The following SPDYE16 variants were observed in gnomAD, a reference collection of about 807,000 sequenced individuals.
The protein encoded by SPDYE16 is speedy protein E16.
In SPDYE16, 5 loss-of-function variants were observed where a neutral mutation model predicts 40.1. The observed-to-expected ratio is 0.12, with a 90% CI of 0.07 to 0.26. The LOEUF (loss-of-function observed/expected upper bound fraction) is 0.26, where lower values mean the gene tolerates loss of function less well. Ranked by LOEUF, SPDYE16 falls within the 10% of genes least tolerant of loss-of-function variation. The pLI, the probability that SPDYE16 is intolerant of heterozygous loss-of-function variation, is 1.00. For synonymous variants in SPDYE16, 40 were observed against 154.2 expected (o/e 0.26, Z 5.49); for missense variants, 98 against 409.8 (o/e 0.24, Z 6.57).
intron 2 of SPDYE16, among the ~76,000 whole-genome samples, chr7:76,540,975 T>A (rs1293359492): frequency 1.6e-5 from 1 of 62,384 alleles, no homozygotes; most frequent in Non-Finnish European, 2.9e-5. Context: ...TTTTCTTTTC[T>A]TTTTTTTTTT....
At chr7:76,539,740 C>A (rs1470188659) in intron 3 of SPDYE16, among the ~76,000 whole-genome samples, 2 of 111,900 alleles carry the variant, frequency 1.8e-5, no homozygotes, top group South Asian at 2.8e-4. Context: ...CTACCACACC[C>A]GGCCTTCGTT....
chr7:76,534,834 GTGGGA>G lies in SPDYE16; in HGVS notation c.756-720_756-716del, dbSNP rs1233847786. ...AGTCGGAGCTAATAAAGAAGCTGAG[GTGGGA>G]GGATCGCTTGAGCCCAGGATATGGA... is the stretch of plus-strand genomic sequence containing the variant. On this transcript the variant is annotated intron_variant, in intron 6 of 8. Transcript: ENST00000633306. Among the ~76,000 whole-genome samples, 717 of 126,574 alleles carry G rather than the reference GTGGGA, an allele frequency of 5.7e-3. 3 individuals carry two copies. The highest frequency in any genetic ancestry group is 9.7e-3 in the Non-Finnish European group (582 of 59,830). The allele number at this position is 126,574 out of a possible 152,430, so 83.0% of individuals were successfully genotyped here.
At chr7:76,539,447 CTTTTTTT>C (rs1193621613) in intron 3 of SPDYE16, among the ~76,000 whole-genome samples, 2 of 30,280 alleles carry the variant, frequency 6.6e-5, no homozygotes, top group South Asian at 2.8e-3. Context: ...GCCCTTCCTT[CTTTTTTT>C]TTTTTTTTTT....
rs1812927799 is a variant in SPDYE16 at position 76,531,346 on chromosome 7, T to A, written c.*1494A>T. 8.1e-6 allele frequency: 1 copy of A among 123,278 alleles called. No individual in the cohort carries two copies. Among genetic ancestry groups the A allele is most frequent in the Admixed American group, 8.4e-5 (1 of 11,904 alleles). The allele number at this position is 123,278 out of a possible 1,614,324, so 7.6% of individuals were successfully genotyped here. The stretch of plus-strand genomic sequence containing the variant: ...GCTGTGAAGGTGAGAAAAGTTCATT[T>A]TTATTATGTTTCCCCAAGAGACGCA... On this transcript the variant is annotated 3_prime_UTR_variant, in exon 9 of 9. Transcript: ENST00000633306.
Position 76,541,596 on chromosome 7 carries a change from C to G in SPDYE16, c.-137G>C. The G allele has an allele frequency of 7.2e-7, 1 of 1,392,790 alleles. No individual in the cohort carries two copies. The highest frequency in any genetic ancestry group is 9.5e-7 in the Non-Finnish European group (1 of 1,055,326). The allele number at this position is 1,392,790 out of a possible 1,614,324, so 86.3% of individuals were successfully genotyped here. On this transcript the variant is annotated 5_prime_UTR_variant, in exon 2 of 9. Transcript: ENST00000633306. ...CTCCAGGCACCACGGAGTCCGGTCCCTCCAATCAGGAAGGTCGGAATCTCT... is the reference window on the plus strand; with the variant it reads ...CTCCAGGCACCACGGAGTCCGGTCCGTCCAATCAGGAAGGTCGGAATCTCT...
In SPDYE16 at chr7:76,541,439, C is replaced by G. The variant is rs1232914586; in HGVS notation, c.21G>C (p.Arg7Ser). Residue 7 changes from arginine to serine, a missense_variant, in exon 2 of 9, where the codon AGG (arginine) becomes AGC (serine). By Grantham distance (110) the Arg-to-Ser change is moderately radical. Coordinates refer to ENST00000633306, the MANE Select transcript of SPDYE16 (RefSeq NM_001394943.1). ...CCTTAATCTGTCCCCTCTTACGGAA[C>G]CTAGTCTCCGTTCTGTCCATGGCCT... The part of the protein sequence containing the change: MDRTET[R>S]FRKRGQIKGK... 1.3e-6 allele frequency: 2 copies of G among 1,534,656 alleles called. No individual in the cohort carries two copies. Among genetic ancestry groups the G allele is most frequent in the East Asian group, 2.4e-5 (1 of 40,854 alleles).
intron 1 of SPDYE16, among the ~76,000 whole-genome samples, chr7:76,542,953 G>C (rs1408050517): frequency 2.0e-5 from 3 of 151,142 alleles, no homozygotes; most frequent in Non-Finnish European, 4.4e-5. Context: ...GAGGTCAGGA[G>C]TTTGAGACCA....
In SPDYE16 at chr7:76,531,861, TTAAA is replaced by T. The variant is rs1812935109; in HGVS notation, c.*975_*978del. The T allele has an allele frequency of 3.7e-5, 3 of 81,500 alleles. 1 individual carries two copies. Among genetic ancestry groups the T allele is most frequent in the African/African-American group, 1.3e-4 (2 of 14,880 alleles). 5.0% of individuals were successfully genotyped at this position (81,500 alleles called of 1,614,324 possible). A position where few individuals can be genotyped will look rare whatever the true frequency, so the allele number is the denominator to read the frequency against. Reference sequence around the variant, plus strand: ...AATATTTCAATAAATAAAATAATATTTAAATAATTCTATACCCATGTTTTTCAAA... The same window carrying T: ...AATATTTCAATAAATAAAATAATATTTAATTCTATACCCATGTTTTTCAAA... On this transcript the variant is annotated 3_prime_UTR_variant, in exon 9 of 9. Coordinates refer to ENST00000633306, the MANE Select transcript of SPDYE16 (RefSeq NM_001394943.1).
rs1270720252 is a variant in SPDYE16, at chr7:76,531,681, TAAAAA to T, written c.*1154_*1158del. The T allele has an allele frequency of 2.5e-5, 2 of 81,252 alleles. 1 individual carries two copies. The highest frequency in any genetic ancestry group is 4.8e-5 in the Non-Finnish European group (2 of 41,758). 5.0% of individuals were successfully genotyped at this position (81,252 alleles called of 1,614,324 possible). A position where few individuals can be genotyped will look rare whatever the true frequency, so the allele number is the denominator to read the frequency against. ...ATTTAGGATGAAAAGAATCCTCTCT[TAAAAA>T]GGAAAGCAAAATTATACGTATGTGT... On this transcript the variant is annotated 3_prime_UTR_variant, in exon 9 of 9. Coordinates refer to ENST00000633306, the MANE Select transcript of SPDYE16 (RefSeq NM_001394943.1).
chr7:76,541,383 G>C lies in SPDYE16; in HGVS notation c.77C>G (p.Pro26Arg), dbSNP rs1813180269. The change falls in exon 2 of 9, where the codon CCC becomes CGC. Residue 26 changes from proline to arginine, a missense_variant. Pro to Arg is a moderately radical substitution (Grantham distance 103). Transcript: ENST00000633306. ...GKITTSRQPHPQNEQSPQRST... is the reference protein window; with the variant it reads ...GKITTSRQPHRQNEQSPQRST... ...CCGCTGGGGACTCTGCTCATTCTGG[G>C]GGTGAGGTTGACGGCTGGTCGTGAT... 1.3e-6 allele frequency: 2 copies of C among 1,534,718 alleles called. No homozygotes were observed. The highest frequency in any genetic ancestry group is 8.7e-7 in the Non-Finnish European group (1 of 1,146,592).
At chr7:76,540,507 G>T (rs1056362783) in intron 2 of SPDYE16, 161 bp from the exon 3 acceptor site, 1 of 1,243,546 alleles carries the variant, frequency 8.0e-7, no homozygotes, top group East Asian at 2.7e-5. Context: ...CCCATGTGCC[G>T]CTCCTTCCCC....
At chr7:76,541,169 C>T (rs974484950) in intron 2 of SPDYE16, 131 bp downstream of exon 2, 1 of 1,382,726 alleles carries the variant, frequency 7.2e-7, no homozygotes, top group African/African-American at 1.6e-5. Flanking sequence ...GCCTTGAACT[C>T]CTGACCTCAG....
chr7:76,533,513 C>A lies in SPDYE16; in HGVS notation c.*45+136G>T. Reference sequence around the variant, plus strand: ...TAGAGATGCATCCCACGTCGCCTGGCTAATTTTTGTATTTTTGTGGAGAGG... The same window carrying A: ...TAGAGATGCATCCCACGTCGCCTGGATAATTTTTGTATTTTTGTGGAGAGG... On this transcript the variant is annotated intron_variant, in intron 8 of 8. Coordinates refer to ENST00000633306, the MANE Select transcript of SPDYE16 (RefSeq NM_001394943.1). The A allele has an allele frequency of 2.3e-6, 2 of 859,596 alleles. 1 individual carries two copies. The highest frequency in any genetic ancestry group is 3.0e-6 in the Non-Finnish European group (2 of 658,330). 53.2% of individuals were successfully genotyped at this position (859,596 alleles called of 1,614,324 possible).
intron 2 of SPDYE16, among the ~76,000 whole-genome samples, chr7:76,540,955 C>A (rs1563775253): frequency 2.1e-5 from 3 of 140,832 alleles, no homozygotes; most frequent in Admixed American, 7.1e-5. Flanking sequence ...GACCGCTGAC[C>A]CTTCTTTTCT....
intron 2 of SPDYE16, among the ~76,000 whole-genome samples, 154 bp downstream of exon 2, chr7:76,541,146 A>G (rs1407084205): frequency 5.6e-5 from 7 of 124,128 alleles, no homozygotes; most frequent in East Asian, 2.5e-4. Flanking sequence ...GTTTCACCAT[A>G]TTGGCCAGGC....
At position 76,537,990 on chromosome 7, in the gene SPDYE16, T is replaced by C. The variant is rs1362426122; in HGVS notation, c.611-439A>G. The stretch of plus-strand genomic sequence containing the variant: ...TTTCAGAGGGCACAGCTGAAACCAC[T>C]TTCTTTGTTTATTGATTTTGTTTTT... On this transcript the variant is annotated intron_variant, in intron 4 of 8. Transcript: ENST00000633306. Among the ~76,000 whole-genome samples, 2 of 81,498 alleles carry C rather than the reference T, an allele frequency of 2.5e-5. 1 individual carries two copies. The highest frequency in any genetic ancestry group is 4.8e-5 in the Non-Finnish European group (2 of 41,414). The allele number at this position is 81,498 out of a possible 152,430, so 53.5% of individuals were successfully genotyped here. A position where few individuals can be genotyped will look rare whatever the true frequency, so the allele number is the denominator to read the frequency against.
Position 76,537,083 on chromosome 7 carries a change from AC to A in SPDYE16, c.669+409del, listed in dbSNP as rs527328024. On this transcript the variant is annotated intron_variant, in intron 5 of 8. Coordinates refer to ENST00000633306, the MANE Select transcript of SPDYE16 (RefSeq NM_001394943.1). ...GGGAGCTGGTCGGGCACAGTGGCTG[AC>A]GTCTATAATCTCAGCACTTTGGGAG... Among the ~76,000 whole-genome samples the A allele has an allele frequency of 2.1e-4, 11 of 52,572 alleles. No individual in the cohort carries two copies. In the South Asian group the frequency reaches 4.4e-3, roughly 21 times the overall value. 34.5% of individuals were successfully genotyped at this position (52,572 alleles called of 152,430 possible). A position where few individuals can be genotyped will look rare whatever the true frequency, so the allele number is the denominator to read the frequency against.
intron 3 of SPDYE16, among the ~76,000 whole-genome samples, chr7:76,539,067 C>CTT (rs1179456186): frequency 1.6e-4 from 9 of 56,646 alleles, no homozygotes; most frequent in Admixed American, 1.6e-3. Context: ...CTGAGTCTCT[C>CTT]TTTTTTTTTT....
At position 76,541,374 on chromosome 7, in the gene SPDYE16, T is replaced by C; in HGVS notation, c.86A>G (p.Glu29Gly). ...TTSRQPHPQN[E>G]QSPQRSTSGY... ...CGAGGTGCTCCGCTGGGGACTCTGC[T>C]CATTCTGGGGGTGAGGTTGACGGCT... The change falls in exon 2 of 9, where the codon GAG becomes GGG. Residue 29 changes from glutamate (E) to glycine (G), a missense_variant. Transcript: ENST00000633306. 1 of 1,534,800 alleles carries C rather than the reference T, an allele frequency of 6.5e-7. No individual in the cohort carries two copies. The highest frequency in any genetic ancestry group is 8.7e-7 in the Non-Finnish European group (1 of 1,146,616).
Sources: allele counts gnomAD v4.1 joint callset (sites outside exome capture counted in the v4.1 genomes callset), GRCh38; gene constraint gnomAD v4.1.1; transcripts MANE v1.5; gene names NCBI Gene and HGNC (gene_info 2026-07-23, HGNC 2026-07-21).